Variants in LNX2 observed in about 807,000 individuals in gnomAD.
LNX2 encodes the protein ligand of Numb protein X 2.
Under a neutral mutation model 66.2 loss-of-function variants are expected in LNX2, and 35 were observed. That is an observed-to-expected ratio of 0.53 (90% CI 0.40 to 0.70). The LOEUF (loss-of-function observed/expected upper bound fraction) is 0.70. Among genes scored for constraint, LNX2 ranks in the 30% least tolerant of loss-of-function variants. LNX2 has a pLI of 0.00. For missense variants in LNX2, 791 were observed against 850.8 expected, an observed-to-expected ratio of 0.93 and a Z score of 0.87; for synonymous variants, 337 against 315.6, an observed-to-expected ratio of 1.07 and a Z score of -0.72.
chr13:27,609,744 G>T (rs1171659036), intron 1 of LNX2, among the ~76,000 whole-genome samples: 1 of 152,020 alleles, frequency 6.6e-6, no homozygotes, highest in East Asian at 1.9e-4. Flanking sequence ...CTGCAAAAGG[G>T]ATTCATTAAA....
At chr13:27,608,847 C>A (rs1037873590) in intron 1 of LNX2, among the ~76,000 whole-genome samples, 5 of 138,592 alleles carry the variant, frequency 3.6e-5, no homozygotes, top group African/African-American at 1.4e-4. Flanking sequence ...TTCTGTCATC[C>A]AGGCTGGAGT....
At chr13:27,575,294 G>A (rs1180792130) in intron 2 of LNX2, among the ~76,000 whole-genome samples, 1 of 151,998 alleles carries the variant, frequency 6.6e-6, no homozygotes, top group Non-Finnish European at 1.5e-5. Flanking sequence ...GAGAATGAAA[G>A]TTTTTGTATA....
Position 27,556,377 on chromosome 13 carries a change from T to C in LNX2, c.1405A>G (p.Ile469Val), listed in dbSNP as rs1260323508. The change falls in exon 7 of 10, where the codon ATT becomes GTT. Residue 469 changes from isoleucine (I) to valine (V), a missense_variant. Physicochemically the swap from Ile to Val is conservative, Grantham distance 29. Coordinates refer to ENST00000316334, the MANE Select transcript of LNX2 (RefSeq NM_153371.4). Reference sequence around the variant, plus strand: ...TCATGTGGTTCCTTCTTTACAGTAATGTGTTTTTCTTGGCATGTAACACAC... The same window carrying C: ...TCATGTGGTTCCTTCTTTACAGTAACGTGTTTTTCTTGGCATGTAACACAC... ...TQCVTCQEKH[I>V]TVKKEPHESL... 6.2e-7 allele frequency: 1 copy of C among 1,613,888 alleles called. No homozygotes were observed. Among genetic ancestry groups the C allele is most frequent in the Non-Finnish European group, 8.5e-7 (1 of 1,179,958 alleles).
At chr13:27,586,428 T>A (rs1045833303) in intron 1 of LNX2, among the ~76,000 whole-genome samples, 2 of 152,166 alleles carry the variant, frequency 1.3e-5, no homozygotes, top group Non-Finnish European at 2.9e-5. Context: ...CTCAGGCAGA[T>A]CTTTCTCTTT....
At chr13:27,576,252 A>G (rs1303377188) in intron 2 of LNX2, among the ~76,000 whole-genome samples, 1 of 152,244 alleles carries the variant, frequency 6.6e-6, no homozygotes, top group Non-Finnish European at 1.5e-5. Context: ...TCGACTTTCA[A>G]TACTAACAGA....
intron 6 of LNX2, among the ~76,000 whole-genome samples, chr13:27,556,829 CA>C (rs1012424990): frequency 1.1e-4 from 17 of 152,306 alleles, no homozygotes; most frequent in Admixed American, 1.1e-3. Context: ...CAGAGTAGTA[CA>C]AAAGTGTAGA....
chr13:27,602,115 C>CA (rs895090105), intron 1 of LNX2, among the ~76,000 whole-genome samples: 46 of 150,736 alleles, frequency 3.1e-4, no homozygotes, highest in Admixed American at 9.2e-4. Context: ...AATTTAAATA[C>CA]AAAAAAAATG....
chr13:27,553,679 T>C (rs1036913217), intron 7 of LNX2, among the ~76,000 whole-genome samples: 33 of 152,296 alleles, frequency 2.2e-4, no homozygotes, highest in African/African-American at 6.7e-4. Flanking sequence ...AAGTGTGGCC[T>C]GAGGCACCTT....
At position 27,553,271 on chromosome 13, in the gene LNX2, A is replaced by C. The variant is rs748437831; in HGVS notation, c.1715T>G (p.Phe572Cys). 2.5e-6 allele frequency: 4 copies of C among 1,614,214 alleles called. No homozygotes were observed. The East Asian group carries it at 8.9e-5, about 36-fold the overall frequency. Residue 572 changes from phenylalanine (F) to cysteine (C), a missense_variant, in exon 8 of 10, where the codon TTC becomes TGC. Physicochemically the swap from Phe to Cys is radical, Grantham distance 205 (BLOSUM62 -2). Transcript: ENST00000316334. ...TQNAEEQPST[F>C]SENEYDASWS... ...ACTGGCATCATACTCATTTTCGCTG[A>C]AAGTACTCGGCTGCTCCTCCGCGTT...
intron 8 of LNX2, among the ~76,000 whole-genome samples, chr13:27,551,402 A>C (rs1233487067): frequency 6.6e-6 from 1 of 152,178 alleles, no homozygotes; most frequent in African/African-American, 2.4e-5. Context: ...GAGGGAGAAA[A>C]AAAAAATGTA....
At chr13:27,580,684 TCA>T (rs1216313557) in intron 2 of LNX2, among the ~76,000 whole-genome samples, 1 of 152,208 alleles carries the variant, frequency 6.6e-6, no homozygotes, top group African/African-American at 2.4e-5. Context: ...TAATTCTTGT[TCA>T]GTCTAGTCCC....
intron 1 of LNX2, among the ~76,000 whole-genome samples, chr13:27,584,159 GTTGAGGCTACTAGCAT>G: frequency 6.6e-6 from 1 of 152,326 alleles, no homozygotes; most frequent in African/African-American, 2.4e-5. Flanking sequence ...AGGATACCAT[GTTGAGGCTACTAGCAT>G]TTCTATTTCA....
At chr13:27,618,626 T>C (rs1955852532) in intron 1 of LNX2, among the ~76,000 whole-genome samples, 1 of 152,220 alleles carries the variant, frequency 6.6e-6, no homozygotes, top group African/African-American at 2.4e-5. Flanking sequence ...TAAAAAATCC[T>C]TCATTTTTCT....
intron 1 of LNX2, among the ~76,000 whole-genome samples, chr13:27,600,658 T>C (rs1259802243): frequency 6.6e-6 from 1 of 152,218 alleles, no homozygotes; most frequent in Non-Finnish European, 1.5e-5. Context: ...CTCCCAACTC[T>C]GCTTCCTCTA....
intron 4 of LNX2, among the ~76,000 whole-genome samples, chr13:27,563,521 T>C (rs149879383): frequency 2.6e-5 from 4 of 152,192 alleles, no homozygotes; most frequent in Non-Finnish European, 5.9e-5. Context: ...TCAAAAAAAG[T>C]ATAGTGACTG....
At chr13:27,593,734 T>TG (rs1566128669) in intron 1 of LNX2, among the ~76,000 whole-genome samples, 202 of 143,920 alleles carry the variant, frequency 1.4e-3, no homozygotes, top group African/African-American at 5.1e-3. Context: ...CGCCTGGTTT[T>TG]TGTGTGTGTG....
chr13:27,558,766 GATT>G (rs1955093885), intron 6 of LNX2, among the ~76,000 whole-genome samples: 1 of 152,038 alleles, frequency 6.6e-6, no homozygotes, highest in South Asian at 2.1e-4. Flanking sequence ...TGAAGTCTGT[GATT>G]ATAATTTCTT....
At chr13:27,579,191 G>GTA (rs534167420) in intron 2 of LNX2, among the ~76,000 whole-genome samples, 124 of 152,252 alleles carry the variant, frequency 8.1e-4, no homozygotes, top group African/African-American at 2.9e-3. Flanking sequence ...GTTGAATGTT[G>GTA]TATAATATAC....
intron 3 of LNX2, among the ~76,000 whole-genome samples, chr13:27,568,277 A>C (rs1955230876): frequency 6.6e-6 from 1 of 152,244 alleles, no homozygotes; most frequent in Non-Finnish European, 1.5e-5. Flanking sequence ...TCTTGAACGG[A>C]GACGTAGGAA....
Sources: gnomAD v4.1 joint callset for allele counts (sites outside exome capture counted in the v4.1 genomes callset) on GRCh38, gnomAD v4.1.1 for gene constraint, MANE v1.5 for transcripts, NCBI Gene and HGNC (gene_info 2026-07-23, HGNC 2026-07-21) for gene names.